PCDHA3: variants seen among roughly 807,000 people sequenced by gnomAD.
The protein encoded by PCDHA3 is protocadherin alpha 3, also known as protocadherin alpha-3.
PCDHA3 carries 41 observed loss-of-function variants against 62.2 expected under a neutral mutation model. The ratio of observed to expected loss-of-function variants is 0.66; its 90% CI spans 0.51 to 0.86. PCDHA3 has a LOEUF of 0.86. Ranked by LOEUF, PCDHA3 falls within the 40% of genes least tolerant of loss-of-function variation. PCDHA3 has a pLI of 0.00. For synonymous variants in PCDHA3, 640 were observed against 555.4 expected (o/e 1.15, Z -2.14); for missense variants, 1,304 against 1,241.2 (o/e 1.05, Z -0.76).
chr5:140,819,603 G>T (rs779566497), intron 1 of PCDHA3, among the ~76,000 whole-genome samples: 1 of 152,060 alleles, frequency 6.6e-6, no homozygotes, highest in Non-Finnish European at 1.5e-5. Flanking sequence ...TTCCTGTGGA[G>T]TCTCCCATGA....
At chr5:140,803,807 T>C in intron 1 of PCDHA3, 2 of 748,910 alleles carry the variant, frequency 2.7e-6, no homozygotes, top group Non-Finnish European at 4.2e-6. Flanking sequence ...CTTGTAATTT[T>C]GTTTTGTTAT....
intron 1 of PCDHA3, among the ~76,000 whole-genome samples, chr5:140,933,894 A>G (rs2089494206): frequency 6.6e-6 from 1 of 151,894 alleles, no homozygotes; most frequent in Non-Finnish European, 1.5e-5. Context: ...ACTTTTGAAT[A>G]TTTTGGCATA....
intron 3 of PCDHA3, 40 bp downstream of exon 3, chr5:140,982,603 G>A: frequency 6.2e-7 from 1 of 1,607,892 alleles, no homozygotes; most frequent in East Asian, 2.2e-5. Context: ...TTGGTTTCTG[G>A]AAAGTGATCA....
chr5:140,917,378 A>G (rs532934226), intron 1 of PCDHA3, among the ~76,000 whole-genome samples: 4 of 150,894 alleles, frequency 2.7e-5, no homozygotes, highest in South Asian at 2.1e-4. Context: ...CTCCACCTCA[A>G]TAGTCTGATG....
rs2150273023 is a variant in PCDHA3, at chr5:140,837,088, T to C, written c.2394+33497T>C. On this transcript the variant is annotated intron_variant, in intron 1 of 3. Transcript: ENST00000522353. Reference sequence around the variant, plus strand: ...TGATAATCAATACCTATAAATGTTATAGTAAACAAATTTAATATATATGTT... The same window carrying C: ...TGATAATCAATACCTATAAATGTTACAGTAAACAAATTTAATATATATGTT... 8 of 165,626 alleles carry C rather than the reference T, an allele frequency of 4.8e-5. 1 individual carries two copies. Among genetic ancestry groups the C allele is most frequent in the Non-Finnish European group, 1.0e-4 (8 of 77,090 alleles). 10.3% of individuals were successfully genotyped at this position (165,626 alleles called of 1,614,324 possible).
chr5:140,875,039 A>C (rs1443862423), intron 1 of PCDHA3, among the ~76,000 whole-genome samples: 1 of 152,230 alleles, frequency 6.6e-6, no homozygotes, highest in East Asian at 1.9e-4. Flanking sequence ...TATTTGAAAG[A>C]TTTCTACTTT....
In PCDHA3 at chr5:140,803,192, G is replaced by T. The variant is rs17844262; in HGVS notation, c.1995G>T (p.Val665=). 5.9e-4 allele frequency: 947 copies of T among 1,613,932 alleles called. 13 individuals carry two copies. In the East Asian group the frequency reaches 0.018, roughly 31 times the overall value. Residue 665 remains valine, a synonymous_variant, in exon 1 of 4, where the codon GTG becomes GTT. Transcript: ENST00000522353. The part of the protein sequence containing the change: ...GEPSLTATAT[V]LVSLVESGQA... ...CCTCATTGACCGCCACGGCCACTGTGCTGGTGTCGCTGGTGGAGAGTGGCC... is the reference window on the plus strand; with the variant it reads ...CCTCATTGACCGCCACGGCCACTGTTCTGGTGTCGCTGGTGGAGAGTGGCC...
intron 1 of PCDHA3, among the ~76,000 whole-genome samples, chr5:140,898,910 C>G (rs1313149642): frequency 6.6e-6 from 1 of 152,040 alleles, no homozygotes; most frequent in African/African-American, 2.4e-5. Context: ...CTTCACGTCC[C>G]TTGTAAGTTG....
At chr5:140,820,047 T>C (rs1170204744) in intron 1 of PCDHA3, among the ~76,000 whole-genome samples, 1 of 152,048 alleles carries the variant, frequency 6.6e-6, no homozygotes, top group Non-Finnish European at 1.5e-5. Context: ...TTTACTGTTA[T>C]ATAATAGAAA....
intron 1 of PCDHA3, chr5:140,928,846 C>A: frequency 1.2e-6 from 2 of 1,614,192 alleles, no homozygotes; most frequent in Non-Finnish European, 1.7e-6. Context: ...CTCTGTCACT[C>A]TGGGTGTGCT....
At chr5:140,873,494 T>C (rs2153295972) in intron 1 of PCDHA3, among the ~76,000 whole-genome samples, 1 of 152,254 alleles carries the variant, frequency 6.6e-6, no homozygotes, top group South Asian at 2.1e-4. Flanking sequence ...TTCTGCAAAG[T>C]TGTGTCTTTT....
At chr5:140,863,231 C>A in intron 1 of PCDHA3, 2 of 1,227,658 alleles carry the variant, frequency 1.6e-6, no homozygotes, top group Non-Finnish European at 2.3e-6. Context: ...AAGGTCCCAT[C>A]GCGGGCTTTG....
At chr5:140,845,856 G>A (rs1378548542) in intron 1 of PCDHA3, among the ~76,000 whole-genome samples, 1 of 149,684 alleles carries the variant, frequency 6.7e-6, no homozygotes, top group Non-Finnish European at 1.5e-5. Flanking sequence ...AGAAGTTAGT[G>A]ATTGCAGAAA....
chr5:140,808,998 A>G, intron 1 of PCDHA3: 2 of 1,613,614 alleles, frequency 1.2e-6, no homozygotes, highest in Non-Finnish European at 1.7e-6. Flanking sequence ...TCGGGCTACA[A>G]CGCGTGGCTT....
At chr5:140,923,299 G>A (rs921157994) in intron 1 of PCDHA3, among the ~76,000 whole-genome samples, 17 of 152,330 alleles carry the variant, frequency 1.1e-4, no homozygotes, top group Middle Eastern at 3.4e-3. Context: ...TTAGCTGGGC[G>A]TGGGGGCGCT....
intron 1 of PCDHA3, chr5:140,805,056 C>T (rs1763501831): frequency 6.3e-7 from 1 of 1,591,674 alleles, no homozygotes; most frequent in Admixed American, 1.7e-5. Flanking sequence ...ACTTGTCTTC[C>T]CAGATATGGA....
intron 1 of PCDHA3, chr5:140,968,753 C>G: frequency 1.2e-6 from 2 of 1,614,022 alleles, no homozygotes; most frequent in Non-Finnish European, 1.7e-6. Flanking sequence ...CGTGGTGGTC[C>G]GAGATAATGG....
Position 140,932,626 on chromosome 5 carries a change from C to T in PCDHA3, c.2395-46323C>T, listed in dbSNP as rs965543719. 1.2e-4 allele frequency among the ~76,000 whole-genome samples: 18 copies of T among 151,670 alleles called. 1 individual carries two copies. The highest frequency in any genetic ancestry group is 8.9e-5 in the Non-Finnish European group (6 of 67,754). On this transcript the variant is annotated intron_variant, in intron 1 of 3. Coordinates refer to ENST00000522353, the MANE Select transcript of PCDHA3 (RefSeq NM_018906.3). ...TTTGACTTTGAAGCTGATAACCACA[C>T]TAAAAAACTTTAGAATGATGAAACT...
chr5:140,878,318 C>T (rs2057536608), intron 1 of PCDHA3, among the ~76,000 whole-genome samples: 1 of 152,176 alleles, frequency 6.6e-6, no homozygotes, highest in African/African-American at 2.4e-5. Context: ...TAGACATTTT[C>T]ACATTATATT....
Sources: allele counts gnomAD v4.1 joint callset (sites outside exome capture counted in the v4.1 genomes callset), GRCh38; gene constraint gnomAD v4.1.1; transcripts MANE v1.5; gene names NCBI Gene and HGNC (gene_info 2026-07-23, HGNC 2026-07-21).